TUBGCP5: variants seen among roughly 807,000 people sequenced by gnomAD.
The protein encoded by TUBGCP5 is gamma-tubulin complex component 5.
TUBGCP5 carries 98 observed loss-of-function variants against 134.7 expected under a neutral mutation model. That is an observed-to-expected ratio of 0.73 (90% CI 0.62 to 0.86). TUBGCP5 has a LOEUF of 0.86. Among genes scored for constraint, TUBGCP5 ranks in the 40% least tolerant of loss-of-function variants. TUBGCP5 has a pLI of 0.00. For missense variants in TUBGCP5, 1,150 were observed against 1,244.8 expected (o/e 0.92, Z 1.15); for synonymous variants, 456 against 431.4 (o/e 1.06, Z -0.71).
chr15:22,988,553 G>A (rs935433587), intron 23 of TUBGCP5, among the ~76,000 whole-genome samples: 1 of 151,392 alleles, frequency 6.6e-6, no homozygotes, highest in African/African-American at 2.4e-5. Context: ...CTAACACAGT[G>A]AAACCCCGTC....
chr15:23,033,715 G>A (rs978728946), intron 3 of TUBGCP5, among the ~76,000 whole-genome samples: 4 of 152,088 alleles, frequency 2.6e-5, no homozygotes, highest in Admixed American at 6.6e-5. Flanking sequence ...ATATACATAC[G>A]CATAGAATTA....
rs1485559168 is a variant in TUBGCP5, at chr15:23,004,152, G to C, written c.2788C>G (p.His930Asp). ...AKDLDQLIKI[H>D]YRYLSTIHDR... ...TGGATGGTTGACAGATACCTATAGT[G>C]AATTTTAATCAATTGATCTAAATCC... The change falls in exon 20 of 23, where the codon CAC becomes GAC. Residue 930 changes from histidine (H) to aspartate (D), a missense_variant. His to Asp is a moderately conservative substitution (Grantham distance 81). Transcript: ENST00000615383. 6.2e-7 allele frequency: 1 copy of C among 1,613,286 alleles called. No individual in the cohort carries two copies.
chr15:23,002,792 TATAAC>T (rs917954359), intron 21 of TUBGCP5, among the ~76,000 whole-genome samples: 4 of 152,018 alleles, frequency 2.6e-5, no homozygotes, highest in African/African-American at 9.7e-5. Context: ...ACGTACACAA[TATAAC>T]ATGAGTATAA....
chr15:22,994,557 T>G (rs921939474), downstream of TUBGCP5, among the ~76,000 whole-genome samples: 1 of 152,214 alleles, frequency 6.6e-6, no homozygotes, highest in African/African-American at 2.4e-5. Flanking sequence ...TGTTTTCCTT[T>G]CTGTGCAGTA....
Position 23,000,591 on chromosome 15 carries a change from G to T in TUBGCP5, c.3006C>A (p.Val1002=). The stretch of plus-strand genomic sequence containing the variant: ...CACAATGGGGAAAGGATCCTCTACA[G>T]ACGGCTTTGTTTAAAATGGTTACAA... The part of the protein sequence containing the change: ...MFLVTILNKA[V]CRGSFPHLES... Residue 1002 remains valine, a synonymous_variant, in exon 22 of 23, where the codon GTC becomes GTA. Coordinates refer to ENST00000615383, the MANE Select transcript of TUBGCP5 (RefSeq NM_052903.6). The T allele has an allele frequency of 6.2e-7, 1 of 1,612,158 alleles. No individual in the cohort carries two copies. The highest frequency in any genetic ancestry group is 8.5e-7 in the Non-Finnish European group (1 of 1,178,762).
At position 22,999,687 on chromosome 15, in the gene TUBGCP5, G is replaced by T; in HGVS notation, c.*133C>A. 1.0e-6 allele frequency: 1 copy of T among 954,536 alleles called. No individual in the cohort carries two copies. Among genetic ancestry groups the T allele is most frequent in the South Asian group, 1.5e-5 (1 of 67,086 alleles). The allele number at this position is 954,536 out of a possible 1,614,324, so 59.1% of individuals were successfully genotyped here. A position where few individuals can be genotyped will look rare whatever the true frequency, so the allele number is the denominator to read the frequency against. On this transcript the variant is annotated 3_prime_UTR_variant, in exon 23 of 23. Coordinates refer to ENST00000615383, the MANE Select transcript of TUBGCP5 (RefSeq NM_052903.6). ...TCGTGCTGGGATTAGAGGCATGAGC[G>T]ACTGTGCCAGGCTGACTGTGGACAA...
chr15:23,024,831 CTGAAA>C lies in TUBGCP5; in HGVS notation c.828-6_828-2del. 1 of 1,543,078 alleles carries C rather than the reference CTGAAA, an allele frequency of 6.5e-7. No individual in the cohort carries two copies. Among genetic ancestry groups the C allele is most frequent in the Non-Finnish European group, 8.9e-7 (1 of 1,124,648 alleles). ...GAGCTTTTTCACTCCTGAAAGTAACCTGAAATGAGATTAAAAAAAGACGAGTGTAC... is the reference window on the plus strand; with the variant it reads ...GAGCTTTTTCACTCCTGAAAGTAACCTGAGATTAAAAAAAGACGAGTGTAC... On this transcript the variant is annotated splice_acceptor_variant and splice_polypyrimidine_tract_variant and intron_variant, in intron 8 of 22. Coordinates refer to ENST00000615383, the MANE Select transcript of TUBGCP5 (RefSeq NM_052903.6). LOFTEE classifies it high-confidence loss of function.
intron 11 of TUBGCP5, 116 bp downstream of exon 11, chr15:23,021,843 T>G: frequency 8.8e-7 from 1 of 1,142,500 alleles, no homozygotes; most frequent in Non-Finnish European, 1.3e-6. Flanking sequence ...ATTTAAAAAC[T>G]CTGAACTGTC....
Position 23,028,436 on chromosome 15 carries a change from T to TA in TUBGCP5, c.623-1131dup, listed in dbSNP as rs1185765361. 6.0e-5 allele frequency among the ~76,000 whole-genome samples: 8 copies of TA among 133,582 alleles called. No individual in the cohort carries two copies. In the East Asian group the frequency reaches 1.5e-3, roughly 26 times the overall value. 87.6% of individuals were successfully genotyped at this position (133,582 alleles called of 152,430 possible). A position where few individuals can be genotyped will look rare whatever the true frequency, so the allele number is the denominator to read the frequency against. ...AATTGAATCCGATCTAAAAATGTACTAAAAAATAACATGATCAAGCAAGTT... is the reference window on the plus strand; with the variant it reads ...AATTGAATCCGATCTAAAAATGTACTAAAAAAATAACATGATCAAGCAAGTT... On this transcript the variant is annotated intron_variant, in intron 6 of 22. Coordinates refer to ENST00000615383, the MANE Select transcript of TUBGCP5 (RefSeq NM_052903.6).
chr15:23,003,731 CAGCCTCAAACTCCT>C (rs886660632), intron 20 of TUBGCP5, among the ~76,000 whole-genome samples: 4 of 149,088 alleles, frequency 2.7e-5, no homozygotes, highest in South Asian at 2.1e-4. Flanking sequence ...TAGTTCACTG[CAGCCTCAAACTCCT>C]GGCCTCAAAC....
intron 8 of TUBGCP5, among the ~76,000 whole-genome samples, chr15:23,025,447 G>A (rs530323786): frequency 6.6e-6 from 1 of 152,274 alleles, no homozygotes; most frequent in South Asian, 2.1e-4. Flanking sequence ...CCAGGACTTG[G>A]AATTTCAGTA....
chr15:23,009,670 A>C (rs1367468203), intron 15 of TUBGCP5, among the ~76,000 whole-genome samples: 3 of 152,208 alleles, frequency 2.0e-5, no homozygotes, highest in Non-Finnish European at 4.4e-5. Flanking sequence ...TCTATCACTA[A>C]GTAATTTAGT....
At chr15:23,019,152 T>C (rs1390594881) in intron 12 of TUBGCP5, 67 bp downstream of exon 12, 9 of 1,170,592 alleles carry the variant, frequency 7.7e-6, no homozygotes, top group African/African-American at 3.0e-5. Flanking sequence ...ACGAAAGCAT[T>C]TGATTTTCAT....
In TUBGCP5 at chr15:23,000,579, G is replaced by T. The variant is rs752644273; in HGVS notation, c.3018C>A (p.Ser1006=). Residue 1006 remains serine, a synonymous_variant, in exon 22 of 23, where the codon TCC becomes TCA. Coordinates refer to ENST00000615383, the MANE Select transcript of TUBGCP5 (RefSeq NM_052903.6). ...ACATGATATACTCACAATGGGGAAA[G>T]GATCCTCTACAGACGGCTTTGTTTA... ...TILNKAVCRG[S]FPHLESLALS... is the part of the protein sequence containing the mutation. The T allele has an allele frequency of 6.2e-7, 1 of 1,611,976 alleles. No individual in the cohort carries two copies.
downstream of TUBGCP5, among the ~76,000 whole-genome samples, chr15:22,994,179 C>T (rs1304637976): frequency 1.3e-5 from 2 of 152,096 alleles, no homozygotes; most frequent in African/African-American, 4.8e-5. Flanking sequence ...ACTCTGCCTC[C>T]TGGGTTCAAG....
At chr15:23,033,783 T>C (rs1039796815) in intron 3 of TUBGCP5, among the ~76,000 whole-genome samples, 1 of 152,216 alleles carries the variant, frequency 6.6e-6, no homozygotes. Context: ...TCAGTGTTGC[T>C]TTAATTTGCA....
intron 18 of TUBGCP5, 48 bp downstream of exon 18, chr15:23,006,004 G>C: frequency 6.5e-7 from 1 of 1,541,320 alleles, no homozygotes; most frequent in South Asian, 1.2e-5. Context: ...TTTATTAAGG[G>C]CTAAAATTAA....
chr15:23,037,109 T>C lies in TUBGCP5; in HGVS notation c.190A>G (p.Thr64Ala), dbSNP rs1221367714. 6.2e-7 allele frequency: 1 copy of C among 1,613,810 alleles called. No homozygotes were observed. Among genetic ancestry groups the C allele is most frequent in the East Asian group, 2.2e-5 (1 of 44,890 alleles). ...LDVNSHKIEKTIEGIYEKFVI... is the reference protein window; with the variant it reads ...LDVNSHKIEKAIEGIYEKFVI... ...TACACACTGACTTACCCTTCGATTG[T>C]TTTTTCTATTTTGTGGCTGTTGACA... is the stretch of plus-strand genomic sequence containing the variant. The change falls in exon 2 of 23, where the codon ACA (threonine) becomes GCA (alanine). Residue 64 changes from threonine (T) to alanine (A), a missense_variant. Thr to Ala is a moderately conservative substitution (Grantham distance 58). Around this residue, in one of 2 missense-constraint regions of TUBGCP5, gnomAD observed 453 missense variants for 394.7 expected, o/e 1.15. Coordinates refer to ENST00000615383, the MANE Select transcript of TUBGCP5 (RefSeq NM_052903.6).
chr15:23,036,058 A>C lies in TUBGCP5; in HGVS notation c.309+839T>G, dbSNP rs1181688637. On this transcript the variant is annotated intron_variant, in intron 3 of 22. Coordinates refer to ENST00000615383, the MANE Select transcript of TUBGCP5 (RefSeq NM_052903.6). The stretch of plus-strand genomic sequence containing the variant: ...AAAGGGAAAGAACTATGTAGGCACA[A>C]GATGTGTCACAGCAGAGCTAGGGAA... Among the ~76,000 whole-genome samples the C allele has an allele frequency of 2.0e-5, 3 of 152,214 alleles. No homozygotes were observed. The East Asian group carries it at 5.8e-4, about 29-fold the overall frequency.
Sources: allele counts gnomAD v4.1 joint callset (sites outside exome capture counted in the v4.1 genomes callset), GRCh38; gene constraint gnomAD v4.1.1; regional missense constraint gnomAD v4.1.1; transcripts MANE v1.5; gene names NCBI Gene and HGNC (gene_info 2026-07-23, HGNC 2026-07-21).